Variants in TBCD observed in about 807,000 individuals in gnomAD.
The protein encoded by TBCD is tubulin-specific chaperone D.
TBCD carries 105 observed loss-of-function variants against 169.3 expected under a neutral mutation model. The ratio of observed to expected loss-of-function variants is 0.62; its 90% CI spans 0.53 to 0.73. TBCD has a LOEUF of 0.73. Among genes scored for constraint, TBCD ranks in the 30% least tolerant of loss-of-function variants. TBCD has a pLI of 0.00. For missense variants in TBCD, 1,444 were observed against 1,600.1 expected, an observed-to-expected ratio of 0.90 and a Z score of 1.66; for synonymous variants, 700 against 643.9, an observed-to-expected ratio of 1.09 and a Z score of -1.32.
In TBCD at chr17:82,832,356, A is replaced by G. The variant is rs1047446366; in HGVS notation, c.1318+17422A>G. On this transcript the variant is annotated intron_variant, in intron 13 of 38. Transcript: ENST00000355528. This position sits in a 1 kb window ranked among gnomAD's most constrained non-coding sequence, Gnocchi z 4.9. Reference sequence around the variant, plus strand: ...TAAAAAGATGTGACTTCTCATTGCAAGTAAAGGGACATTGGAAACATTTAT... The same window carrying G: ...TAAAAAGATGTGACTTCTCATTGCAGGTAAAGGGACATTGGAAACATTTAT... 1 of 1,614,224 alleles carries G rather than the reference A, an allele frequency of 6.2e-7. No individual in the cohort carries two copies.
chr17:82,840,968 T>TTTTTTTTTG (rs2054464508), intron 13 of TBCD, among the ~76,000 whole-genome samples: 1 of 138,648 alleles, frequency 7.2e-6, no homozygotes, highest in African/African-American at 2.7e-5. Flanking sequence ...TTTTTTTTTT[T>TTTTTTTTTG]TTTTTTTTTT....
chr17:82,927,926 C>T lies in TBCD; in HGVS notation c.2631C>T (p.Thr877=). 1 of 1,613,608 alleles carries T rather than the reference C, an allele frequency of 6.2e-7. No individual in the cohort carries two copies. ...TCAGGGTCCGCAAGGCCGCCATGACCAGTCTGATGGATCTGACACTTCTGC... is the reference window on the plus strand; with the variant it reads ...TCAGGGTCCGCAAGGCCGCCATGACTAGTCTGATGGATCTGACACTTCTGC... ...VGTWVRKAAM[T]SLMDLTLLLA... is the part of the protein sequence containing the mutation. The change falls in exon 30 of 39, where the codon ACC becomes ACT. Residue 877 remains threonine, a synonymous_variant. Coordinates refer to ENST00000355528, the MANE Select transcript of TBCD (RefSeq NM_005993.5).
intron 34 of TBCD, among the ~76,000 whole-genome samples, chr17:82,933,660 C>T (rs2062396128): frequency 6.6e-6 from 1 of 152,044 alleles, no homozygotes; most frequent in Admixed American, 6.6e-5. Context: ...CTCTGTTGCC[C>T]AGGGTGTAGT....
At chr17:82,828,206 C>T (rs111288010) in intron 13 of TBCD, among the ~76,000 whole-genome samples, 5 of 145,964 alleles carry the variant, frequency 3.4e-5, no homozygotes, top group East Asian at 4.4e-4. Flanking sequence ...GATATGCACA[C>T]GTGGACACCC....
intron 13 of TBCD, among the ~76,000 whole-genome samples, chr17:82,842,777 T>TTCC (rs1310968446): frequency 6.7e-6 from 1 of 148,194 alleles, no homozygotes; most frequent in African/African-American, 2.5e-5. Context: ...ATTTTCTTTC[T>TTCC]TTCTTTTTTT....
chr17:82,875,959 T>C (rs1191981401), intron 14 of TBCD, among the ~76,000 whole-genome samples: 1 of 152,230 alleles, frequency 6.6e-6, no homozygotes, highest in Admixed American at 6.5e-5. Flanking sequence ...AGGTCCGATA[T>C]GATTTGCAAC....
intron 7 of TBCD, among the ~76,000 whole-genome samples, chr17:82,784,955 T>C (rs1015697813): frequency 2.0e-5 from 3 of 149,968 alleles, no homozygotes; most frequent in Non-Finnish European, 4.4e-5. Flanking sequence ...CCATGCTGTG[T>C]GACTGAGACC....
chr17:82,883,807 C>T (rs1032257932), intron 14 of TBCD, among the ~76,000 whole-genome samples: 5 of 152,224 alleles, frequency 3.3e-5, no homozygotes, highest in Admixed American at 2.6e-4. Flanking sequence ...CTGGACCTCC[C>T]CACCTCCTGC....
At chr17:82,878,398 C>T (rs1173547413) in intron 14 of TBCD, among the ~76,000 whole-genome samples, 1 of 152,260 alleles carries the variant, frequency 6.6e-6, no homozygotes, top group Non-Finnish European at 1.5e-5. Context: ...GGTCCCGTCA[C>T]CCGCTCCAAG....
chr17:82,784,177 A>G (rs1265822778), intron 7 of TBCD, among the ~76,000 whole-genome samples: 3 of 152,144 alleles, frequency 2.0e-5, no homozygotes, highest in Non-Finnish European at 4.4e-5. Context: ...ACCCTTGGGT[A>G]CACAACACTA....
chr17:82,914,062 C>T (rs117644648), intron 23 of TBCD: 3,978 of 152,410 alleles, frequency 0.026, 68 homozygotes, highest in Non-Finnish European at 0.039. Flanking sequence ...AAGTAGCCAC[C>T]CTGTCCTGTC....
At chr17:82,802,469 G>C (rs1372503709) in intron 9 of TBCD, among the ~76,000 whole-genome samples, 1 of 152,184 alleles carries the variant, frequency 6.6e-6, no homozygotes, top group African/African-American at 2.4e-5. Context: ...GTTCAGTGCT[G>C]TACCAGGCAG....
intron 14 of TBCD, among the ~76,000 whole-genome samples, chr17:82,871,779 C>T (rs1401600598): frequency 2.0e-5 from 3 of 152,202 alleles, no homozygotes; most frequent in South Asian, 4.1e-4. Flanking sequence ...GCGGGGCCAG[C>T]GTTGGCCTGG....
chr17:82,777,752 C>T lies in TBCD; in HGVS notation c.639-3837C>T, dbSNP rs112113555. Among the ~76,000 whole-genome samples, 143 of 152,280 alleles carry T rather than the reference C, an allele frequency of 9.4e-4. 1 individual carries two copies. In the Middle Eastern group the frequency reaches 0.01, roughly 11 times the overall value. On this transcript the variant is annotated intron_variant, in intron 6 of 38. Transcript: ENST00000355528. ...ACTGAAGCACAGCATCACAGGGAGA[C>T]GGTTAGGCCTCCGGATAACTGCGGG...
intron 33 of TBCD, among the ~76,000 whole-genome samples, chr17:82,931,423 CCT>C (rs1336558729): frequency 6.6e-6 from 1 of 152,256 alleles, no homozygotes; most frequent in African/African-American, 2.4e-5. Context: ...AGTCCGTGCC[CCT>C]GACCTGCGTC....
At position 82,889,604 on chromosome 17, in the gene TBCD, C is replaced by T. The variant is rs574232753; in HGVS notation, c.1534-64C>T. 6.2e-7 allele frequency: 1 copy of T among 1,605,044 alleles called. No homozygotes were observed. ...TTCACGTTGTGCTGTTTGTTCTGAACTTGCCTCTGGTGTTGGCGGAAGCTG... is the reference window on the plus strand; with the variant it reads ...TTCACGTTGTGCTGTTTGTTCTGAATTTGCCTCTGGTGTTGGCGGAAGCTG... On this transcript the variant is annotated intron_variant, in intron 15 of 38. Coordinates refer to ENST00000355528, the MANE Select transcript of TBCD (RefSeq NM_005993.5). The surrounding 1 kb of genome is among the most constrained non-coding windows in gnomAD (Gnocchi z 5.3).
chr17:82,921,221 G>T, intron 24 of TBCD: 1 of 515,176 alleles, frequency 1.9e-6, no homozygotes, highest in Admixed American at 3.4e-5. Flanking sequence ...AAAGATTTAG[G>T]GGTAACAAAA....
At chr17:82,933,765 T>A (rs2147401758) in intron 34 of TBCD, among the ~76,000 whole-genome samples, 1 of 152,216 alleles carries the variant, frequency 6.6e-6, no homozygotes, top group African/African-American at 2.4e-5. Context: ...CTGTGCACCA[T>A]CACACCTGGC....
intron 14 of TBCD, among the ~76,000 whole-genome samples, chr17:82,879,667 A>G (rs1245506438): frequency 6.6e-6 from 1 of 152,102 alleles, no homozygotes; most frequent in African/African-American, 2.4e-5. Context: ...TTCAATCTGC[A>G]TGTGGTTGTG....
Sources: gnomAD v4.1 joint callset for allele counts (sites outside exome capture counted in the v4.1 genomes callset) on GRCh38, gnomAD v4.1.1 for gene constraint, Gnocchi (gnomAD v3.1) non-coding constraint, MANE v1.5 for transcripts, NCBI Gene and HGNC (gene_info 2026-07-23, HGNC 2026-07-21) for gene names.